Variants in CLNK observed in about 807,000 individuals in gnomAD.
CLNK encodes cytokine dependent hematopoietic cell linker, also known as cytokine-dependent hematopoietic cell linker.
CLNK carries 74 observed loss-of-function variants against 68.6 expected under a neutral mutation model. The ratio of observed to expected loss-of-function variants is 1.08; its 90% CI spans 0.89 to 1.31. The LOEUF is 1.31. Among genes scored for constraint, CLNK ranks in the 50% most tolerant of loss-of-function variants. The pLI is 0.00. For missense variants in CLNK, 553 were observed against 515.3 expected, an observed-to-expected ratio of 1.07 and a Z score of -0.71; for synonymous variants, 198 against 172.2, an observed-to-expected ratio of 1.15 and a Z score of -1.17.
chr4:10,539,397 CA>C (rs1194432168), intron 11 of CLNK, among the ~76,000 whole-genome samples: 3 of 152,140 alleles, frequency 2.0e-5, no homozygotes, highest in African/African-American at 7.2e-5. Context: ...CATAGAAGCT[CA>C]AAATGAGCCT....
intron 16 of CLNK, among the ~76,000 whole-genome samples, chr4:10,511,949 A>C (rs1019190320): frequency 6.6e-5 from 10 of 152,230 alleles, no homozygotes; most frequent in Non-Finnish European, 1.3e-4. Flanking sequence ...GTAGTGATAT[A>C]AAGTGAAAAC....
At chr4:10,557,527 C>T (rs1577127912) in intron 8 of CLNK, among the ~76,000 whole-genome samples, 1 of 152,202 alleles carries the variant, frequency 6.6e-6, no homozygotes, top group East Asian at 1.9e-4. Context: ...AGTAACTGTC[C>T]CCTCATCCCT....
rs752142347 is a variant in CLNK, at chr4:10,667,814, C to A, written c.11+45G>T. ...TTCCAGAAAACACCTCCTGTCCCCA[C>A]CAAGAAAAGGGAACTGGGGCTCACA... On this transcript the variant is annotated intron_variant, in intron 2 of 18. Coordinates refer to ENST00000226951, the MANE Select transcript of CLNK (RefSeq NM_052964.4). The A allele has an allele frequency of 5.8e-6, 9 of 1,542,336 alleles. No individual in the cohort carries two copies. In the Admixed American group the frequency reaches 1.8e-4, roughly 30 times the overall value.
chr4:10,721,185 G>C, the CLNK span, among the ~76,000 whole-genome samples: 13 of 72,504 alleles, frequency 1.8e-4, 1 homozygote, highest in African/African-American at 7.2e-4. Context: ...TCTGAGGAGG[G>C]AGTTGGGGGC....
rs1316293094 is a variant in CLNK, at chr4:10,558,439, A to G, written c.413T>C (p.Ile138Thr). Residue 138 changes from isoleucine (I) to threonine (T), a missense_variant, in exon 8 of 19, where the codon ATT becomes ACT. Coordinates refer to ENST00000226951, the MANE Select transcript of CLNK (RefSeq NM_052964.4). ...GTTTTGGCTTCTGACGTCCTTGGAAATGGGTTTGTCCACCTGTACAAGACA... is the reference window on the plus strand; with the variant it reads ...GTTTTGGCTTCTGACGTCCTTGGAAGTGGGTTTGTCCACCTGTACAAGACA... ...QTRLERVDKP[I>T]SKDVRSQNIK... 6.2e-7 allele frequency: 1 copy of G among 1,613,880 alleles called. No individual in the cohort carries two copies. Among genetic ancestry groups the G allele is most frequent in the South Asian group, 1.1e-5 (1 of 91,072 alleles).
At position 10,524,087 on chromosome 4, in the gene CLNK, AGAG is replaced by A. The variant is rs59952822; in HGVS notation, c.731+1751_731+1753del. 5.1e-3 allele frequency: 789 copies of A among 153,872 alleles called. 3 individuals are homozygous for A. Among genetic ancestry groups the A allele is most frequent in the African/African-American group, 0.012 (470 of 39,970 alleles). 9.5% of individuals were successfully genotyped at this position (153,872 alleles called of 1,614,324 possible). ...AAAAGAAAGAAAGAAAGAAAAGAGA[AGAG>A]GAGGAGGAGGAGGAGGAGGAGGAGG... On this transcript the variant is annotated intron_variant, in intron 14 of 18. Transcript: ENST00000226951.
At chr4:10,680,222 A>G (rs1190065995) in intron 1 of CLNK, among the ~76,000 whole-genome samples, 1 of 152,054 alleles carries the variant, frequency 6.6e-6, no homozygotes, top group Non-Finnish European at 1.5e-5. Flanking sequence ...TTGTAGGGAC[A>G]TGGATGAAGC....
At chr4:10,524,429 A>G (rs1212661462) in intron 14 of CLNK, among the ~76,000 whole-genome samples, 1 of 152,190 alleles carries the variant, frequency 6.6e-6, no homozygotes, top group Non-Finnish European at 1.5e-5. Flanking sequence ...CCCAAGTCAC[A>G]TGGTTCACTG....
In CLNK at chr4:10,524,403, T is replaced by G. The variant is rs114936439; in HGVS notation, c.731+1438A>C. Among the ~76,000 whole-genome samples the G allele has an allele frequency of 6.6e-4, 101 of 152,312 alleles. 1 individual carries two copies. The highest frequency in any genetic ancestry group is 2.3e-3 in the African/African-American group (95 of 41,566). On this transcript the variant is annotated intron_variant, in intron 14 of 18. Transcript: ENST00000226951. ...CTGACTCTGCCCTAAGTTTCTCATGTAATACAGTGAGGTCGCCCAAGTCAC... is the reference window on the plus strand; with the variant it reads ...CTGACTCTGCCCTAAGTTTCTCATGGAATACAGTGAGGTCGCCCAAGTCAC...
chr4:10,630,240 C>A (rs1314409201), intron 2 of CLNK, among the ~76,000 whole-genome samples: 1 of 152,184 alleles, frequency 6.6e-6, no homozygotes, highest in Non-Finnish European at 1.5e-5. Context: ...TTTATTTGAA[C>A]AACTTTGCCT....
chr4:10,533,211 G>T (rs1400843942), intron 11 of CLNK, among the ~76,000 whole-genome samples: 1 of 152,180 alleles, frequency 6.6e-6, no homozygotes, highest in African/African-American at 2.4e-5. Flanking sequence ...TGTGAGCTGA[G>T]ATCATCCACT....
At position 10,682,059 on chromosome 4, in the gene CLNK, A is replaced by G. The variant is rs552504712; in HGVS notation, c.-43+2609T>C. On this transcript the variant is annotated intron_variant, in intron 1 of 18. Coordinates refer to ENST00000226951, the MANE Select transcript of CLNK (RefSeq NM_052964.4). ...TCCCAAATATTCTGCCCATAAGAGT[A>G]ACAAAAAATAAATAATAAACACAAA... Among the ~76,000 whole-genome samples the G allele has an allele frequency of 2.5e-4, 38 of 152,230 alleles. No homozygotes were observed. The East Asian group carries it at 6.7e-3, about 27-fold the overall frequency.
chr4:10,533,863 T>C (rs1004508924), intron 11 of CLNK, among the ~76,000 whole-genome samples: 2 of 152,208 alleles, frequency 1.3e-5, no homozygotes, highest in African/African-American at 4.8e-5. Flanking sequence ...TTAAGATAAA[T>C]TAAAATTTTC....
chr4:10,575,902 G>T (rs1720544088), intron 4 of CLNK, among the ~76,000 whole-genome samples: 1 of 152,192 alleles, frequency 6.6e-6, no homozygotes, highest in African/African-American at 2.4e-5. Flanking sequence ...AGTCCTCCCT[G>T]ATTAAGACTT....
chr4:10,497,293 G>C (rs1266278364), intron 18 of CLNK, among the ~76,000 whole-genome samples: 3 of 152,068 alleles, frequency 2.0e-5, no homozygotes, highest in African/African-American at 7.2e-5. Flanking sequence ...TCAGGATTCT[G>C]CCTTGGATTT....
chr4:10,513,431 C>G (rs779965027), intron 16 of CLNK, 33 bp downstream of exon 16: 2 of 1,596,522 alleles, frequency 1.3e-6, no homozygotes. Flanking sequence ...CCAAGTACAT[C>G]TAGAAGGACT....
chr4:10,501,191 C>T (rs1271326635), intron 18 of CLNK, 65 bp downstream of exon 18: 2 of 1,474,236 alleles, frequency 1.4e-6, no homozygotes, highest in South Asian at 1.5e-5. Flanking sequence ...GGGTGACATC[C>T]CCCAAACTCT....
rs116157198 is a variant in CLNK at position 10,526,152 on chromosome 4, G to C, written c.650-230C>G. ...AATCACTTTTAATATTTACAAGCTAGAACACATCATTGAACCTCCCAAAAA... is the reference window on the plus strand; with the variant it reads ...AATCACTTTTAATATTTACAAGCTACAACACATCATTGAACCTCCCAAAAA... On this transcript the variant is annotated intron_variant, in intron 13 of 18. Coordinates refer to ENST00000226951, the MANE Select transcript of CLNK (RefSeq NM_052964.4). Among the ~76,000 whole-genome samples, 456 of 152,206 alleles carry C rather than the reference G, an allele frequency of 3.0e-3. 4 individuals are homozygous for C. Among genetic ancestry groups the C allele is most frequent in the African/African-American group, 0.011 (441 of 41,522 alleles).
chr4:10,699,479 T>TCTCTCTCG, the CLNK span, among the ~76,000 whole-genome samples: 1 of 73,592 alleles, frequency 1.4e-5, no homozygotes, highest in Non-Finnish European at 2.5e-5. Context: ...TCTCTCTCTC[T>TCTCTCTCG]CTCTCTCTCT....
Sources: allele counts gnomAD v4.1 joint callset (sites outside exome capture counted in the v4.1 genomes callset), GRCh38; gene constraint gnomAD v4.1.1; transcripts MANE v1.5; gene names NCBI Gene and HGNC (gene_info 2026-07-23, HGNC 2026-07-21).